TMEM218: variants seen among roughly 807,000 people sequenced by gnomAD.
The protein encoded by TMEM218 is transmembrane protein 218.
A neutral mutation model predicts 10.0 loss-of-function variants in TMEM218; 8 were observed. The observed-to-expected ratio is 0.80, with a 90% CI of 0.47 to 1.44. The LOEUF (loss-of-function observed/expected upper bound fraction) is 1.44, where lower values mean the gene tolerates loss of function less well. TMEM218 is among the 40% of genes most tolerant of loss of function. The pLI, the probability that TMEM218 is intolerant of heterozygous loss-of-function variation, is 0.00. For missense variants in TMEM218, 110 were observed against 140.1 expected (o/e 0.79, Z 1.08); for synonymous variants, 66 against 63.5 (o/e 1.04, Z -0.18).
chr11:125,096,692 C>T lies in TMEM218; in HGVS notation c.*914G>A, dbSNP rs567327646. ...CTCTAGGGAGTCAGGATCAGACTTCCAAAGTGGAACCTGACCAGGGCCCCT... is the reference window on the plus strand; with the variant it reads ...CTCTAGGGAGTCAGGATCAGACTTCTAAAGTGGAACCTGACCAGGGCCCCT... On this transcript the variant is annotated 3_prime_UTR_variant, in exon 5 of 5. Coordinates refer to ENST00000682305, the MANE Select transcript of TMEM218 (RefSeq NM_001258244.2). 1.3e-5 allele frequency: 2 copies of T among 152,284 alleles called. No homozygotes were observed. The highest frequency in any genetic ancestry group is 3.9e-4 in the East Asian group (2 of 5,194). The allele number at this position is 152,284 out of a possible 1,614,324, so 9.4% of individuals were successfully genotyped here.
intron 4 of TMEM218, among the ~76,000 whole-genome samples, chr11:125,099,462 A>G (rs1031866868): frequency 3.9e-5 from 6 of 152,202 alleles, no homozygotes; most frequent in African/African-American, 1.4e-4. Context: ...GGCCATGCTG[A>G]CAAAAGTATT....
Position 125,108,608 on chromosome 11 carries a change from A to G in TMEM218, c.-153+2931T>C, listed in dbSNP as rs922545405. On this transcript the variant is annotated intron_variant, in intron 1 of 4. Transcript: ENST00000682305. This position sits in a 1 kb window ranked among gnomAD's most constrained non-coding sequence, Gnocchi z 5.3. ...AAATACCACGAGCTGTGCTGCCTTC[A>G]GTTATGTGATTTGCTAGAGTGATGA... Among the ~76,000 whole-genome samples, 5 of 152,194 alleles carry G rather than the reference A, an allele frequency of 3.3e-5. No individual in the cohort carries two copies. Among genetic ancestry groups the G allele is most frequent in the Non-Finnish European group, 5.9e-5 (4 of 68,020 alleles).
At chr11:125,100,638 AGAGATG>A (rs1159787565) in intron 4 of TMEM218, among the ~76,000 whole-genome samples, 1 of 152,216 alleles carries the variant, frequency 6.6e-6, no homozygotes, top group African/African-American at 2.4e-5. Context: ...GGATTCTGAG[AGAGATG>A]ATAAAAATCC....
At position 125,095,710 on chromosome 11, in the gene TMEM218, CAGT is replaced by C. The variant is rs1455285859; in HGVS notation, c.*1893_*1895del. Reference sequence around the variant, plus strand: ...AGGCAAAAAAACAAAAATTAGAAAACAGTAGTATTAAGGATAGAATTTAGTTTC... The same window carrying C: ...AGGCAAAAAAACAAAAATTAGAAAACAGTATTAAGGATAGAATTTAGTTTC... On this transcript the variant is annotated 3_prime_UTR_variant, in exon 5 of 5. Transcript: ENST00000682305. Among the ~76,000 whole-genome samples, 1 of 150,514 alleles carries C rather than the reference CAGT, an allele frequency of 6.6e-6. No homozygotes were observed. Among genetic ancestry groups the C allele is most frequent in the Non-Finnish European group, 1.5e-5 (1 of 67,714 alleles).
chr11:125,110,811 A>C (rs1591440213), intron 1 of TMEM218: 1 of 116,224 alleles, frequency 8.6e-6, no homozygotes, highest in Non-Finnish European at 1.7e-5. Context: ...AGTCCTTTTC[A>C]CTTTGCTTTA....
Position 125,096,254 on chromosome 11 carries a change from A to G in TMEM218, c.*1352T>C, listed in dbSNP as rs1202920077. ...TACCTGTTCTCTCTTCTTGGAATTT[A>G]GAGCTTAGTTGCCTGTGGGGTGGCA... On this transcript the variant is annotated 3_prime_UTR_variant, in exon 5 of 5. Coordinates refer to ENST00000682305, the MANE Select transcript of TMEM218 (RefSeq NM_001258244.2). 6.6e-6 allele frequency among the ~76,000 whole-genome samples: 1 copy of G among 152,198 alleles called. No homozygotes were observed. Among genetic ancestry groups the G allele is most frequent in the Non-Finnish European group, 1.5e-5 (1 of 68,030 alleles).
chr11:125,099,750 C>T (rs1286482211), intron 4 of TMEM218, among the ~76,000 whole-genome samples: 1 of 151,942 alleles, frequency 6.6e-6, no homozygotes, highest in Non-Finnish European at 1.5e-5. Flanking sequence ...ATGGTGAAAC[C>T]CTATCTCTAC....
At chr11:125,107,988 A>C (rs866750141) in intron 1 of TMEM218, among the ~76,000 whole-genome samples, 1 of 152,112 alleles carries the variant, frequency 6.6e-6, no homozygotes, top group Non-Finnish European at 1.5e-5. Context: ...AATTAAAAAA[A>C]TCTCAATTTT....
rs926005118 is a variant in TMEM218 at position 125,108,422 on chromosome 11, C to T, written c.-153+3117G>A. ...AGTTGATTTTAAATGGAAAGTAATTCGTAATGAAATAGCATATGTTTAAAT... is the reference window on the plus strand; with the variant it reads ...AGTTGATTTTAAATGGAAAGTAATTTGTAATGAAATAGCATATGTTTAAAT... On this transcript the variant is annotated intron_variant, in intron 1 of 4. Transcript: ENST00000682305. The surrounding 1 kb of genome is among the most constrained non-coding windows in gnomAD (Gnocchi z 5.3). Among the ~76,000 whole-genome samples, 3 of 152,116 alleles carry T rather than the reference C, an allele frequency of 2.0e-5. No individual in the cohort carries two copies. Among genetic ancestry groups the T allele is most frequent in the Admixed American group, 6.5e-5 (1 of 15,278 alleles).
intron 3 of TMEM218, chr11:125,101,559 G>T: frequency 1.4e-6 from 2 of 1,392,480 alleles, no homozygotes; most frequent in Admixed American, 2.7e-5. Context: ...TTTTACTTCT[G>T]CCCAAAGTCA....
intron 3 of TMEM218, 78 bp from the exon 4 acceptor site, chr11:125,101,381 C>T: frequency 6.6e-7 from 1 of 1,520,478 alleles, no homozygotes; most frequent in Non-Finnish European, 8.9e-7. Context: ...ACAGTCTCTT[C>T]CTTGGAGCCA....
In TMEM218 at chr11:125,097,510, G is replaced by A. The variant is rs1949800713; in HGVS notation, c.*96C>T. 3.6e-6 allele frequency: 5 copies of A among 1,386,466 alleles called. No individual in the cohort carries two copies. The highest frequency in any genetic ancestry group is 5.0e-6 in the Non-Finnish European group (5 of 1,007,966). 85.9% of individuals were successfully genotyped at this position (1,386,466 alleles called of 1,614,324 possible). On this transcript the variant is annotated 3_prime_UTR_variant, in exon 5 of 5. Transcript: ENST00000682305. ...AGATACTCCTCTAACCTTAAGGCAT[G>A]AGGGCTGTCAAAACAAGGCTCTGAA...
At chr11:125,111,304 G>A (rs970484035) in intron 1 of TMEM218, among the ~76,000 whole-genome samples, 1 of 152,176 alleles carries the variant, frequency 6.6e-6, no homozygotes, top group African/African-American at 2.4e-5. Flanking sequence ...TAAGGTCTCG[G>A]TCATAAGAGA....
In TMEM218 at chr11:125,095,648, A is replaced by T. The variant is rs1187405929; in HGVS notation, c.*1958T>A. On this transcript the variant is annotated 3_prime_UTR_variant, in exon 5 of 5. Coordinates refer to ENST00000682305, the MANE Select transcript of TMEM218 (RefSeq NM_001258244.2). Reference sequence around the variant, plus strand: ...ACAGGGTATTTTTTTTTTTTTCCTAAAGCCAATCTTTAACATATATGCCTT... The same window carrying T: ...ACAGGGTATTTTTTTTTTTTTCCTATAGCCAATCTTTAACATATATGCCTT... Among the ~76,000 whole-genome samples, 1 of 151,750 alleles carries T rather than the reference A, an allele frequency of 6.6e-6. No homozygotes were observed. The highest frequency in any genetic ancestry group is 1.9e-4 in the East Asian group (1 of 5,190).
chr11:125,105,771 AAAAAT>A (rs1456483002), intron 1 of TMEM218, among the ~76,000 whole-genome samples: 1 of 152,062 alleles, frequency 6.6e-6, no homozygotes, highest in African/African-American at 2.4e-5. Flanking sequence ...AAAGTGAAAA[AAAAAT>A]AAAGAAAACA....
At chr11:125,109,661 AGAT>A (rs1375672515) in intron 1 of TMEM218, among the ~76,000 whole-genome samples, 2 of 152,222 alleles carry the variant, frequency 1.3e-5, no homozygotes, top group East Asian at 3.8e-4. Context: ...TCCAGATAAG[AGAT>A]GATGAGGGTC....
rs1040623468 is a variant in TMEM218 at position 125,096,451 on chromosome 11, G to T, written c.*1155C>A. On this transcript the variant is annotated 3_prime_UTR_variant, in exon 5 of 5. Transcript: ENST00000682305. ...ACCTGGGTTTGCACACTGGCTGTTA[G>T]GTGAAGGTTGGGCAAGTCAGCTGAT... 11 of 152,284 alleles carry T rather than the reference G, an allele frequency of 7.2e-5. No individual in the cohort carries two copies. Among genetic ancestry groups the T allele is most frequent in the African/African-American group, 2.4e-4 (10 of 41,564 alleles). The allele number at this position is 152,284 out of a possible 1,614,324, so 9.4% of individuals were successfully genotyped here.
In TMEM218 at chr11:125,110,081, T is replaced by A. The variant is rs528815647; in HGVS notation, c.-153+1458A>T. On this transcript the variant is annotated intron_variant, in intron 1 of 4. Transcript: ENST00000682305. ...AAGAAGGGCTGGGTATAGTATAGAG[T>A]GCTGCTATAGAGGAAGAGAGAACAT... Among the ~76,000 whole-genome samples, 4 of 152,334 alleles carry A rather than the reference T, an allele frequency of 2.6e-5. No individual in the cohort carries two copies. In the East Asian group the frequency reaches 7.7e-4, roughly 29 times the overall value.
intron 4 of TMEM218, among the ~76,000 whole-genome samples, chr11:125,099,290 C>T (rs1002780669): frequency 6.6e-6 from 1 of 152,164 alleles, no homozygotes; most frequent in Admixed American, 6.5e-5. Flanking sequence ...AAGTCTCTTG[C>T]GGGCCACATG....
Sources: gnomAD v4.1 joint callset for allele counts (sites outside exome capture counted in the v4.1 genomes callset) on GRCh38, gnomAD v4.1.1 for gene constraint, Gnocchi (gnomAD v3.1) non-coding constraint, MANE v1.5 for transcripts, NCBI Gene and HGNC (gene_info 2026-07-23, HGNC 2026-07-21) for gene names.